KIAA1958: variants seen among roughly 807,000 people sequenced by gnomAD.
KIAA1958 encodes the protein uncharacterized protein KIAA1958.
In KIAA1958, 14 loss-of-function variants were observed where a neutral mutation model predicts 47.2. The ratio of observed to expected loss-of-function variants is 0.30; its 90% CI spans 0.20 to 0.46. The LOEUF (loss-of-function observed/expected upper bound fraction) is 0.46. Ranked by LOEUF, KIAA1958 falls within the 20% of genes least tolerant of loss-of-function variation. KIAA1958 has a pLI of 1.00. For missense variants in KIAA1958, 803 were observed against 909.2 expected (o/e 0.88, Z 1.50); for synonymous variants, 354 against 353.3 (o/e 1.00, Z -0.02).
At chr9:112,654,786 A>C (rs543840845) in intron 3 of KIAA1958, among the ~76,000 whole-genome samples, 78 of 152,254 alleles carry the variant, frequency 5.1e-4, no homozygotes, top group African/African-American at 1.8e-3. Flanking sequence ...TATATAAGAA[A>C]GCTGTTTTTC....
chr9:112,537,525 A>G (rs1321836053), intron 1 of KIAA1958, among the ~76,000 whole-genome samples: 5 of 152,252 alleles, frequency 3.3e-5, no homozygotes, highest in Non-Finnish European at 5.9e-5. Context: ...AAAGATATCT[A>G]ATTGACCAGT....
intron 1 of KIAA1958, among the ~76,000 whole-genome samples, chr9:112,564,146 A>G (rs556071218): frequency 6.6e-6 from 1 of 152,284 alleles, no homozygotes; most frequent in Non-Finnish European, 1.5e-5. Flanking sequence ...TGGCGTCCTC[A>G]AACAAGTTGA....
chr9:112,545,177 A>G (rs909171706), intron 1 of KIAA1958, among the ~76,000 whole-genome samples: 13 of 152,204 alleles, frequency 8.5e-5, no homozygotes, highest in Admixed American at 4.6e-4. Context: ...GACCTCCATT[A>G]ATGATCCCAA....
chr9:112,534,699 T>C lies in KIAA1958; in HGVS notation c.-24-39358T>C, dbSNP rs10125982. Among the ~76,000 whole-genome samples, 383 of 152,112 alleles carry C rather than the reference T, an allele frequency of 2.5e-3. 1 individual carries two copies. Among genetic ancestry groups the C allele is most frequent in the African/African-American group, 8.5e-3 (351 of 41,538 alleles). On this transcript the variant is annotated intron_variant, in intron 1 of 3. Coordinates refer to ENST00000337530, the MANE Select transcript of KIAA1958 (RefSeq NM_133465.4). ...ACTGGGATTATGGCATCCACCACCA[T>C]GCCCAGGTAATTTTTTATATTTTTA...
At chr9:112,526,810 C>G (rs1834665948) in intron 1 of KIAA1958, among the ~76,000 whole-genome samples, 1 of 152,180 alleles carries the variant, frequency 6.6e-6, no homozygotes, top group Non-Finnish European at 1.5e-5. Context: ...AGCAATTAAA[C>G]TTCAACATGA....
At chr9:112,597,283 C>A (rs553046722) in intron 2 of KIAA1958, among the ~76,000 whole-genome samples, 2 of 152,282 alleles carry the variant, frequency 1.3e-5, no homozygotes, top group East Asian at 3.9e-4. Flanking sequence ...TGCTTATTAT[C>A]TCACTAATTA....
chr9:112,609,039 C>G (rs903136491), intron 2 of KIAA1958, among the ~76,000 whole-genome samples: 2 of 152,104 alleles, frequency 1.3e-5, no homozygotes, highest in African/African-American at 2.4e-5. Context: ...TGTTTTTCTG[C>G]CTGAGATGAA....
chr9:112,571,149 G>T (rs2593680), intron 1 of KIAA1958, among the ~76,000 whole-genome samples: 1 of 152,014 alleles, frequency 6.6e-6, no homozygotes, highest in Non-Finnish European at 1.5e-5. Flanking sequence ...CCTGGAAACA[G>T]CCTTACAGAC....
intron 3 of KIAA1958, among the ~76,000 whole-genome samples, chr9:112,654,315 A>T (rs1439425427): frequency 6.6e-6 from 1 of 152,208 alleles, no homozygotes; most frequent in Admixed American, 6.5e-5. Context: ...GTTATTGCAG[A>T]AACCATCACA....
At chr9:112,658,912 C>G (rs1232173862) in intron 3 of KIAA1958, among the ~76,000 whole-genome samples, 1 of 149,272 alleles carries the variant, frequency 6.7e-6, no homozygotes, top group Admixed American at 6.7e-5. Flanking sequence ...CCCAGCTACT[C>G]GGAAGGCTGA....
chr9:112,542,756 GA>G (rs1345939462), intron 1 of KIAA1958, among the ~76,000 whole-genome samples: 1 of 152,166 alleles, frequency 6.6e-6, no homozygotes, highest in Non-Finnish European at 1.5e-5. Context: ...AAGACAAAAA[GA>G]GGGGGATATT....
chr9:112,556,535 G>A (rs1005649674), intron 1 of KIAA1958, among the ~76,000 whole-genome samples: 1 of 152,134 alleles, frequency 6.6e-6, no homozygotes, highest in African/African-American at 2.4e-5. Flanking sequence ...GGGTCTTACT[G>A]TGTTGCCCAG....
At position 112,493,139 on chromosome 9, in the gene KIAA1958, G is replaced by A. The variant is rs1235576835; in HGVS notation, c.-25+6021G>A. Among the ~76,000 whole-genome samples the A allele has an allele frequency of 2.2e-5, 3 of 138,140 alleles. No individual in the cohort carries two copies. The South Asian group carries it at 7.3e-4, about 34-fold the overall frequency. The allele number at this position is 138,140 out of a possible 152,430, so 90.6% of individuals were successfully genotyped here. On this transcript the variant is annotated intron_variant, in intron 1 of 3. Coordinates refer to ENST00000337530, the MANE Select transcript of KIAA1958 (RefSeq NM_133465.4). ...TGCTAATGCTGTTATTTTCTTCTGA[G>A]TTCTGAGGACTTGTTTCTTTTAGTG...
chr9:112,523,916 C>G (rs1834596460), intron 1 of KIAA1958, among the ~76,000 whole-genome samples: 1 of 152,198 alleles, frequency 6.6e-6, no homozygotes, highest in South Asian at 2.1e-4. Context: ...TCTCCACCTC[C>G]ACATATACAA....
chr9:112,574,578 G>C lies in KIAA1958; in HGVS notation c.498G>C (p.Arg166Ser). The change falls in exon 2 of 4, where the codon AGG becomes AGC. Residue 166 changes from arginine to serine, a missense_variant. Physicochemically the swap from Arg to Ser is moderately radical, Grantham distance 110 (BLOSUM62 -1). Around this residue, in one of 2 missense-constraint regions of KIAA1958, gnomAD observed 761 missense variants for 829.3 expected, o/e 0.92. Coordinates refer to ENST00000337530, the MANE Select transcript of KIAA1958 (RefSeq NM_133465.4). ...EDSDFEPQTQ[R>S]PQSIARKRPG... ...GTGACTTTGAACCCCAAACCCAAAG[G>C]CCTCAAAGCATTGCTCGCAAAAGAC... The C allele has an allele frequency of 1.2e-6, 2 of 1,614,128 alleles. No individual in the cohort carries two copies. The highest frequency in any genetic ancestry group is 1.7e-6 in the Non-Finnish European group (2 of 1,180,020).
chr9:112,561,807 A>G (rs1031933194), intron 1 of KIAA1958, among the ~76,000 whole-genome samples: 1 of 152,200 alleles, frequency 6.6e-6, no homozygotes, highest in Non-Finnish European at 1.5e-5. Flanking sequence ...GTGAGCCGAG[A>G]TCGTGCCATT....
intron 1 of KIAA1958, among the ~76,000 whole-genome samples, chr9:112,500,355 C>T (rs879763453): frequency 6.6e-6 from 1 of 152,274 alleles, no homozygotes; most frequent in South Asian, 2.1e-4. Flanking sequence ...CCCGCCTTGG[C>T]CTCCCAAAGT....
chr9:112,611,060 ATTCT>A (rs1456906551), intron 2 of KIAA1958, among the ~76,000 whole-genome samples: 1 of 152,210 alleles, frequency 6.6e-6, no homozygotes, highest in Non-Finnish European at 1.5e-5. Flanking sequence ...TGAATAGGAA[ATTCT>A]TTAATAAGTC....
chr9:112,554,977 TCAG>T (rs1835216844), intron 1 of KIAA1958, among the ~76,000 whole-genome samples: 2 of 152,128 alleles, frequency 1.3e-5, no homozygotes, highest in South Asian at 4.2e-4. Context: ...AAGGAGGACT[TCAG>T]AAGAACTAAA....
Sources: allele counts gnomAD v4.1 joint callset (sites outside exome capture counted in the v4.1 genomes callset), GRCh38; gene constraint gnomAD v4.1.1; regional missense constraint gnomAD v4.1.1; transcripts MANE v1.5; gene names NCBI Gene and HGNC (gene_info 2026-07-23, HGNC 2026-07-21).